ZNG1A: variants seen among roughly 807,000 people sequenced by gnomAD.
ZNG1A encodes zinc-regulated GTPase metalloprotein activator 1A.
the ZNG1A span, among the ~76,000 whole-genome samples, chr9:127,179 T>A: frequency 6.6e-6 from 1 of 152,104 alleles, no homozygotes; most frequent in African/African-American, 2.4e-5. Flanking sequence ...ATATTCTGTA[T>A]ATATCTTTTA....
At chr9:145,425 A>T in the ZNG1A span, among the ~76,000 whole-genome samples, 8 of 151,336 alleles carry the variant, frequency 5.3e-5, no homozygotes, top group African/African-American at 1.9e-4. Context: ...GCAAATCATC[A>T]TTCTCAGTAA....
chr9:168,741 C>A, the ZNG1A span, among the ~76,000 whole-genome samples: 21 of 147,630 alleles, frequency 1.4e-4, 3 homozygotes, highest in African/African-American at 5.5e-4. Flanking sequence ...CCTAAAAATT[C>A]TAGGGCCATT....
the ZNG1A span, among the ~76,000 whole-genome samples, chr9:129,253 G>A: frequency 1.3e-5 from 2 of 152,096 alleles, no homozygotes; most frequent in Admixed American, 1.3e-4. Flanking sequence ...AAAAACATGA[G>A]ATATTTAATC....
the ZNG1A span, among the ~76,000 whole-genome samples, chr9:163,065 T>G: frequency 2.0e-5 from 3 of 150,548 alleles, no homozygotes; most frequent in Non-Finnish European, 4.5e-5. Context: ...CCTAAGGAAT[T>G]CAACCAGTTA....
chr9:176,018 C>G, the ZNG1A span, among the ~76,000 whole-genome samples: 2 of 147,968 alleles, frequency 1.4e-5, no homozygotes, highest in Non-Finnish European at 3.0e-5. Flanking sequence ...GTTGAAACAG[C>G]TTCTTCAACC....
chr9:161,545 A>T, the ZNG1A span: 26 of 1,283,414 alleles, frequency 2.0e-5, no homozygotes, highest in East Asian at 1.2e-3. Flanking sequence ...TAAACACTGA[A>T]TTTAAACTTC....
chr9:144,872 A>C, the ZNG1A span, among the ~76,000 whole-genome samples: 6,716 of 150,030 alleles, frequency 0.045, 70 homozygotes, highest in African/African-American at 0.09. Context: ...CAACCCCATC[A>C]AAAAGTGGGC....
the ZNG1A span, among the ~76,000 whole-genome samples, chr9:158,113 C>A: frequency 1.4e-5 from 2 of 145,998 alleles, no homozygotes; most frequent in Non-Finnish European, 3.0e-5. Flanking sequence ...TTTCATAATT[C>A]ATCTTGGCCT....
At chr9:176,445 T>C in the ZNG1A span, among the ~76,000 whole-genome samples, 1 of 150,282 alleles carries the variant, frequency 6.7e-6, no homozygotes, top group Non-Finnish European at 1.5e-5. Flanking sequence ...TGTTTTACTA[T>C]TACAGTGCTG....
the ZNG1A span, among the ~76,000 whole-genome samples, chr9:174,036 A>G: frequency 6.6e-6 from 1 of 151,550 alleles, no homozygotes; most frequent in East Asian, 1.9e-4. Context: ...AGTCCCAGCT[A>G]CTCAGGCGGC....
At chr9:157,742 G>C in the ZNG1A span, among the ~76,000 whole-genome samples, 23,747 of 141,882 alleles carry the variant, frequency 0.17, 2,324 homozygotes, top group East Asian at 0.4. Flanking sequence ...AAATCAGTCT[G>C]TGTACAATGC....
the ZNG1A span, among the ~76,000 whole-genome samples, chr9:129,887 G>C: frequency 6.7e-6 from 1 of 149,876 alleles, no homozygotes; most frequent in Admixed American, 6.6e-5. Flanking sequence ...GGGCAATTTT[G>C]TTGTTATACA....
the ZNG1A span, chr9:171,674 C>T: frequency 8.3e-6 from 2 of 240,446 alleles, no homozygotes; most frequent in African/African-American, 2.4e-5. Flanking sequence ...GCAAATACTA[C>T]ACCATTTTAT....
chr9:159,883 G>C, the ZNG1A span: 1 of 350,288 alleles, frequency 2.9e-6, no homozygotes, highest in South Asian at 2.2e-5. Context: ...AAAAATTATT[G>C]CATAATGTCA....
chr9:168,468 G>T, the ZNG1A span, among the ~76,000 whole-genome samples: 7 of 151,018 alleles, frequency 4.6e-5, no homozygotes, highest in Admixed American at 4.6e-4. Context: ...TGGCCAGGCT[G>T]GTCTTGAACT....
At chr9:121,967 G>T in the ZNG1A span, 1 of 1,611,744 alleles carries the variant, frequency 6.2e-7, no homozygotes, top group Non-Finnish European at 8.5e-7. Context: ...TTACCAAGGA[G>T]GACCAATCGA....
the ZNG1A span, chr9:146,264 A>G: frequency 7.7e-7 from 1 of 1,300,022 alleles, no homozygotes; most frequent in South Asian, 1.3e-5. Context: ...TAAAATTCAT[A>G]GAAGTGGGCA....
chr9:147,791 C>T, the ZNG1A span: 3 of 147,198 alleles, frequency 2.0e-5, no homozygotes, highest in Non-Finnish European at 4.4e-5. Context: ...CTTTGGGAGG[C>T]CAAGGTGGGC....
chr9:147,819 G>C, the ZNG1A span: 1 of 146,112 alleles, frequency 6.8e-6, no homozygotes, highest in Non-Finnish European at 1.5e-5. Flanking sequence ...TTTGAGGCCA[G>C]GAGTTTGACA....
Sources: gnomAD v4.1 joint callset for allele counts (sites outside exome capture counted in the v4.1 genomes callset) on GRCh38, gnomAD v4.1.1 for gene constraint, MANE v1.5 for transcripts, NCBI Gene and HGNC (gene_info 2026-07-23, HGNC 2026-07-21) for gene names.